RBBP8: variants seen among roughly 807,000 people sequenced by gnomAD.
RBBP8 encodes the protein DNA endonuclease RBBP8.
RBBP8 carries 88 observed loss-of-function variants against 108.3 expected under a neutral mutation model. That is an observed-to-expected ratio of 0.81 (90% confidence interval 0.68 to 0.97). RBBP8 has a LOEUF of 0.97. Among genes scored for constraint, RBBP8 ranks in the 50% least tolerant of loss-of-function variants. The pLI, the probability that RBBP8 is intolerant of heterozygous loss-of-function variation, is 0.00. For synonymous variants in RBBP8, 332 were observed against 348.2 expected, an observed-to-expected ratio of 0.95 and a Z score of 0.52; for missense variants, 1,023 against 1,049.0, an observed-to-expected ratio of 0.98 and a Z score of 0.34.
chr18:22,914,729 G>A (rs1280778451), intron 1 of RBBP8, among the ~76,000 whole-genome samples: 2 of 152,128 alleles, frequency 1.3e-5, no homozygotes, highest in African/African-American at 4.8e-5. Flanking sequence ...GCCAAAAAAA[G>A]CATTGGCCGG....
intron 2 of RBBP8, chr18:22,916,799 T>C: frequency 6.6e-6 from 1 of 152,166 alleles, no homozygotes; most frequent in East Asian, 1.9e-4. Flanking sequence ...CCGCTCTCAT[T>C]TTCTGACTCA....
chr18:22,970,328 G>A (rs887454813), intron 5 of RBBP8, among the ~76,000 whole-genome samples: 3 of 152,254 alleles, frequency 2.0e-5, no homozygotes, highest in Middle Eastern at 6.8e-3. Flanking sequence ...CTCCAATAAT[G>A]TCTACATATC....
chr18:22,944,777 C>T (rs1234612681), intron 2 of RBBP8, among the ~76,000 whole-genome samples: 4 of 151,980 alleles, frequency 2.6e-5, no homozygotes, highest in African/African-American at 9.7e-5. Context: ...TTCTCCAGGG[C>T]CTTTATTTTT....
At chr18:22,986,138 C>A (rs1384390704) in intron 8 of RBBP8, among the ~76,000 whole-genome samples, 2 of 151,864 alleles carry the variant, frequency 1.3e-5, no homozygotes, top group Non-Finnish European at 2.9e-5. Context: ...ATTTTTCACC[C>A]CCTTAGAGAA....
intron 3 of RBBP8, among the ~76,000 whole-genome samples, chr18:22,922,719 C>T (rs721578): frequency 0.49 from 73,918 of 152,026 alleles, 21,279 homozygotes; most frequent in Middle Eastern, 0.66. Flanking sequence ...CCTGCCTTGA[C>T]CTCCCACAGT....
chr18:23,025,338 G>A (rs774677068), intron 18 of RBBP8, among the ~76,000 whole-genome samples: 1 of 152,198 alleles, frequency 6.6e-6, no homozygotes, highest in Admixed American at 6.5e-5. Context: ...CAACAAGGAG[G>A]GAGAGACCTT....
rs1356042173 is a variant in RBBP8, at chr18:22,937,505, T to A, written c.109+545T>A. On this transcript the variant is annotated intron_variant, in intron 2 of 18. Transcript: ENST00000327155. The stretch of plus-strand genomic sequence containing the variant: ...GATATCTTTTTTTTTTTTTTATTTT[T>A]TTTGAGACAGGGTCTCACTGTGTCA... Among the ~76,000 whole-genome samples, 9 of 152,132 alleles carry A rather than the reference T, an allele frequency of 5.9e-5. No individual in the cohort carries two copies. In the East Asian group the frequency reaches 1.7e-3, roughly 29 times the overall value.
At chr18:22,929,049 A>G (rs1909898286), upstream of RBBP8, among the ~76,000 whole-genome samples, 1 of 152,276 alleles carries the variant, frequency 6.6e-6, no homozygotes, top group East Asian at 1.9e-4. Context: ...CAGCTGTGAG[A>G]CTGAATTAAG....
At chr18:22,921,430 T>C (rs1234789048) in intron 3 of RBBP8, among the ~76,000 whole-genome samples, 1 of 152,236 alleles carries the variant, frequency 6.6e-6, no homozygotes, top group Admixed American at 6.5e-5. Flanking sequence ...TACTTGTTTC[T>C]ATTGGCTTCA....
rs1234771238 is a variant in RBBP8, at chr18:23,022,658, T to TAAA, written c.2596+390_2596+392dup. Among the ~76,000 whole-genome samples, 12 of 83,820 alleles carry TAAA rather than the reference T, an allele frequency of 1.4e-4. No individual in the cohort carries two copies. The East Asian group carries it at 2.1e-3, about 15-fold the overall frequency. The allele number at this position is 83,820 out of a possible 152,430, so 55.0% of individuals were successfully genotyped here. ...AAAATAAATAAAATACAATATAAAA[T>TAAA]AAAATAAAATAAATAACTGTATATG... On this transcript the variant is annotated intron_variant, in intron 18 of 18. Coordinates refer to ENST00000327155, the MANE Select transcript of RBBP8 (RefSeq NM_002894.3).
At chr18:22,914,959 A>G (rs185504828) in intron 1 of RBBP8, among the ~76,000 whole-genome samples, 1 of 152,304 alleles carries the variant, frequency 6.6e-6, no homozygotes, top group East Asian at 1.9e-4. Context: ...CATTTATATT[A>G]AAAATCTTCC....
intron 4 of RBBP8, among the ~76,000 whole-genome samples, chr18:22,957,471 T>C (rs1912681814): frequency 6.6e-6 from 1 of 152,138 alleles, no homozygotes. Context: ...TAGCAAACAA[T>C]TGAGCATAAT....
chr18:22,936,104 A>G (rs1057481313), intron 1 of RBBP8, among the ~76,000 whole-genome samples: 2 of 152,062 alleles, frequency 1.3e-5, no homozygotes, highest in Non-Finnish European at 2.9e-5. Flanking sequence ...AGTTAAAAAA[A>G]CCAATTTTTT....
chr18:22,982,513 A>G, intron 7 of RBBP8, 120 bp downstream of exon 7: 2 of 1,551,730 alleles, frequency 1.3e-6, no homozygotes, highest in Non-Finnish European at 1.7e-6. Context: ...CCCATGGTAC[A>G]ACTATGAGTT....
chr18:22,947,814 T>G (rs1911696339), intron 3 of RBBP8, among the ~76,000 whole-genome samples: 1 of 152,136 alleles, frequency 6.6e-6, no homozygotes, highest in Non-Finnish European at 1.5e-5. Flanking sequence ...GTAAATGCTC[T>G]TTATGTTACC....
At chr18:22,990,483 T>C (rs1281409827) in intron 9 of RBBP8, among the ~76,000 whole-genome samples, 1 of 152,220 alleles carries the variant, frequency 6.6e-6, no homozygotes, top group Non-Finnish European at 1.5e-5. Context: ...GTGTAAAACA[T>C]TGAGGCTTTT....
chr18:22,967,423 T>A (rs1042549981), intron 4 of RBBP8, among the ~76,000 whole-genome samples: 1 of 150,784 alleles, frequency 6.6e-6, no homozygotes, highest in African/African-American at 2.4e-5. Flanking sequence ...TAACGTGGGG[T>A]ATGTGTCTCC....
At chr18:23,011,028 A>G (rs1422732230) in intron 16 of RBBP8, among the ~76,000 whole-genome samples, 1 of 152,226 alleles carries the variant, frequency 6.6e-6, no homozygotes, top group Non-Finnish European at 1.5e-5. Context: ...AGTTGTGGCA[A>G]TATTTTTTGT....
chr18:22,938,053 C>T (rs1910729921), intron 2 of RBBP8, among the ~76,000 whole-genome samples: 1 of 152,062 alleles, frequency 6.6e-6, no homozygotes, highest in Non-Finnish European at 1.5e-5. Flanking sequence ...TCTTGAACTT[C>T]TGGGCTCAAG....
Sources: allele counts gnomAD v4.1 joint callset (sites outside exome capture counted in the v4.1 genomes callset), GRCh38; gene constraint gnomAD v4.1.1; transcripts MANE v1.5; gene names NCBI Gene and HGNC (gene_info 2026-07-23, HGNC 2026-07-21).